FKTN: variants seen among roughly 807,000 people sequenced by gnomAD.
The protein encoded by FKTN is fukutin.
In FKTN, 47 loss-of-function variants were observed where a neutral mutation model predicts 58.6. The ratio of observed to expected loss-of-function variants is 0.80; its 90% CI spans 0.63 to 1.02. The LOEUF is 1.02. Ranked by LOEUF, FKTN falls within the 50% of genes least tolerant of loss-of-function variation. The pLI is 0.00. For synonymous variants in FKTN, 178 were observed against 191.9 expected, an observed-to-expected ratio of 0.93 and a Z score of 0.60; for missense variants, 516 against 537.3, an observed-to-expected ratio of 0.96 and a Z score of 0.39.
chr9:105,632,425 A>AT (rs1554766273), intron 10 of FKTN, among the ~76,000 whole-genome samples: 18 of 147,344 alleles, frequency 1.2e-4, no homozygotes, highest in Non-Finnish European at 2.5e-4. Flanking sequence ...ATAATAAAAA[A>AT]AAATATATAT....
chr9:105,627,127 C>T (rs1408833816), intron 10 of FKTN, among the ~76,000 whole-genome samples: 3 of 151,916 alleles, frequency 2.0e-5, no homozygotes, highest in Non-Finnish European at 4.4e-5. Flanking sequence ...CACATTCCAT[C>T]ATACCCAGCT....
At chr9:105,584,063 A>G (rs1022603920) in intron 3 of FKTN, among the ~76,000 whole-genome samples, 2 of 152,200 alleles carry the variant, frequency 1.3e-5, no homozygotes, top group Non-Finnish European at 2.9e-5. Flanking sequence ...AACCTCATCT[A>G]TACTGCTTAT....
intron 6 of FKTN, among the ~76,000 whole-genome samples, chr9:105,606,360 C>T (rs1046590244): frequency 1.3e-5 from 2 of 151,890 alleles, no homozygotes; most frequent in Non-Finnish European, 2.9e-5. Context: ...TTGTGAGAAA[C>T]AGTTATTTGA....
intron 10 of FKTN, among the ~76,000 whole-genome samples, chr9:105,621,756 A>G (rs1364550961): frequency 6.6e-6 from 1 of 152,102 alleles, no homozygotes; most frequent in African/African-American, 2.4e-5. Context: ...ATGAGTATGT[A>G]TAGAAATAGC....
intron 4 of FKTN, chr9:105,598,323 A>G (rs1490689948): frequency 3.5e-6 from 1 of 285,938 alleles, no homozygotes; most frequent in Admixed American, 4.8e-5. Context: ...ATAAAAGGTG[A>G]AATCTCATCA....
intron 1 of FKTN, among the ~76,000 whole-genome samples, chr9:105,571,479 T>G (rs1840722677): frequency 2.0e-5 from 3 of 152,194 alleles, no homozygotes; most frequent in African/African-American, 7.2e-5. Flanking sequence ...AATAAAAATG[T>G]AATTAAGTTT....
intron 4 of FKTN, chr9:105,598,163 A>C (rs1483262073): frequency 4.3e-6 from 2 of 468,534 alleles, no homozygotes; most frequent in Non-Finnish European, 8.9e-6. Context: ...CAAAAAGTTG[A>C]AGAGCAGCTT....
chr9:105,565,526 C>G (rs376031777), intron 1 of FKTN, among the ~76,000 whole-genome samples: 1 of 151,918 alleles, frequency 6.6e-6, no homozygotes, highest in East Asian at 1.9e-4. Flanking sequence ...AGACTTTAAA[C>G]CAACAAAGAT....
intron 3 of FKTN, among the ~76,000 whole-genome samples, chr9:105,575,760 A>T (rs185901495): frequency 0.025 from 3,857 of 152,086 alleles, 180 homozygotes; most frequent in African/African-American, 0.088. Context: ...AAGAAAAAAA[A>T]TTTTTTTTGT....
At position 105,575,007 on chromosome 9, in the gene FKTN, G is replaced by T; in HGVS notation, c.-26G>T. 3 of 1,253,470 alleles carry T rather than the reference G, an allele frequency of 2.4e-6. No individual in the cohort carries two copies. The highest frequency in any genetic ancestry group is 3.5e-6 in the Non-Finnish European group (3 of 851,202). 77.6% of individuals were successfully genotyped at this position (1,253,470 alleles called of 1,614,324 possible). ...GAAAACGACTGAGATACTTTCAAAAGACAACCAAGTGAGCAGCACAGACTA... is the reference window on the plus strand; with the variant it reads ...GAAAACGACTGAGATACTTTCAAAATACAACCAAGTGAGCAGCACAGACTA... On this transcript the variant is annotated 5_prime_UTR_variant, in exon 3 of 11. Transcript: ENST00000357998.
rs1198100411 is a variant in FKTN at position 105,615,412 on chromosome 9, A to C, written c.910+5A>C. 1 of 1,613,798 alleles carries C rather than the reference A, an allele frequency of 6.2e-7. No homozygotes were observed. The highest frequency in any genetic ancestry group is 2.2e-5 in the East Asian group (1 of 44,880). ...TGAGCAGTGGAACTTGTCTAGGTAA[A>C]ATTCTTACGACTTTCCATTTGTCTT... On this transcript the variant is annotated splice_donor_5th_base_variant and intron_variant, in intron 8 of 10. Coordinates refer to ENST00000357998, the MANE Select transcript of FKTN (RefSeq NM_001079802.2).
In FKTN at chr9:105,638,129, T is replaced by G. The variant is rs1478468030; in HGVS notation, c.*2865T>G. The stretch of plus-strand genomic sequence containing the variant: ...AATAAATAATCACAGAAAAGAATGA[T>G]CTGAACAAGAACAGCTGAGGCTAAA... On this transcript the variant is annotated 3_prime_UTR_variant, in exon 11 of 11. Transcript: ENST00000357998. 1 of 982,090 alleles carries G rather than the reference T, an allele frequency of 1.0e-6. No homozygotes were observed. 60.8% of individuals were successfully genotyped at this position (982,090 alleles called of 1,614,324 possible).
chr9:105,569,316 A>G (rs1840310557), intron 1 of FKTN, among the ~76,000 whole-genome samples: 1 of 152,300 alleles, frequency 6.6e-6, no homozygotes, highest in Middle Eastern at 3.4e-3. Flanking sequence ...AATAAAAAAG[A>G]ATATGCAGTG....
chr9:105,584,648 C>G (rs1372105917), intron 3 of FKTN, among the ~76,000 whole-genome samples: 1 of 152,024 alleles, frequency 6.6e-6, no homozygotes, highest in Non-Finnish European at 1.5e-5. Flanking sequence ...GGCAAAACCC[C>G]ATTTCTACAA....
intron 3 of FKTN, among the ~76,000 whole-genome samples, chr9:105,582,064 T>C (rs890815616): frequency 6.6e-6 from 1 of 152,120 alleles, no homozygotes; most frequent in Non-Finnish European, 1.5e-5. Flanking sequence ...GCGCCCACTG[T>C]CTGGCACTCC....
At chr9:105,622,831 A>G (rs1832198079) in intron 10 of FKTN, among the ~76,000 whole-genome samples, 1 of 152,030 alleles carries the variant, frequency 6.6e-6, no homozygotes, top group Non-Finnish European at 1.5e-5. Flanking sequence ...TGTTATTATA[A>G]TTACCATGCT....
At chr9:105,618,373 T>G (rs1159596931) in intron 9 of FKTN, among the ~76,000 whole-genome samples, 2 of 152,112 alleles carry the variant, frequency 1.3e-5, no homozygotes, top group East Asian at 3.9e-4. Context: ...CTTGAACTCT[T>G]ATAGGTGAAT....
chr9:105,574,599 C>T (rs1483087278), intron 2 of FKTN, among the ~76,000 whole-genome samples: 2 of 151,972 alleles, frequency 1.3e-5, no homozygotes, highest in Non-Finnish European at 2.9e-5. Context: ...TTGTCAGCAG[C>T]ACCAGCATCA....
intron 10 of FKTN, among the ~76,000 whole-genome samples, chr9:105,625,658 A>T (rs1451723730): frequency 6.6e-6 from 1 of 152,204 alleles, no homozygotes. Context: ...GGGGAGTCCA[A>T]GAAAACTAAG....
Sources: gnomAD v4.1 joint callset for allele counts (sites outside exome capture counted in the v4.1 genomes callset) on GRCh38, gnomAD v4.1.1 for gene constraint, MANE v1.5 for transcripts, NCBI Gene and HGNC (gene_info 2026-07-23, HGNC 2026-07-21) for gene names.